The following SMYD3 variants were observed in gnomAD, a reference collection of about 807,000 sequenced individuals.
SMYD3 encodes SET and MYND domain containing 3.
Under a neutral mutation model 57.7 loss-of-function variants are expected in SMYD3, and 36 were observed. That is an observed-to-expected ratio of 0.62 (90% confidence interval 0.48 to 0.82). SMYD3 has a LOEUF of 0.82. Ranked by LOEUF, SMYD3 falls within the 40% of genes least tolerant of loss-of-function variation. The pLI is 0.00. For missense variants in SMYD3, 515 were observed against 538.8 expected (o/e 0.96, Z 0.44); for synonymous variants, 211 against 195.0 (o/e 1.08, Z -0.68).
At chr1:245,804,438 G>C (rs2048040009) in intron 10 of SMYD3, among the ~76,000 whole-genome samples, 1 of 152,040 alleles carries the variant, frequency 6.6e-6, no homozygotes, top group African/African-American at 2.4e-5. Context: ...GGCGCCTGTA[G>C]TCCCAGCTAC....
At chr1:245,930,578 G>A (rs2056654931) in intron 5 of SMYD3, 1 of 159,408 alleles carries the variant, frequency 6.3e-6, no homozygotes, top group African/African-American at 2.4e-5. Context: ...TGTGCTCAAG[G>A]AACTTAAAAA....
intron 5 of SMYD3, among the ~76,000 whole-genome samples, chr1:246,269,914 C>A (rs978878660): frequency 6.6e-6 from 1 of 152,082 alleles, no homozygotes; most frequent in African/African-American, 2.4e-5. Flanking sequence ...TGAGGTTTAC[C>A]TTCCCAAGAA....
At chr1:246,218,882 T>C (rs1007710860) in intron 5 of SMYD3, among the ~76,000 whole-genome samples, 3 of 152,090 alleles carry the variant, frequency 2.0e-5, no homozygotes, top group Admixed American at 6.5e-5. Flanking sequence ...AGCAAGACAA[T>C]CACATGCTTC....
intron 5 of SMYD3, among the ~76,000 whole-genome samples, chr1:246,155,385 A>T (rs1229095047): frequency 6.6e-6 from 1 of 152,234 alleles, no homozygotes; most frequent in Non-Finnish European, 1.5e-5. Context: ...TCTTGTTTCA[A>T]AATGGCAACC....
At chr1:246,103,911 C>T (rs181706440) in intron 5 of SMYD3, among the ~76,000 whole-genome samples, 2 of 152,322 alleles carry the variant, frequency 1.3e-5, no homozygotes, top group African/African-American at 4.8e-5. Flanking sequence ...ATCCCTCTGT[C>T]ACCCTGAAAA....
chr1:246,235,863 T>C (rs1054368819), intron 5 of SMYD3, among the ~76,000 whole-genome samples: 1 of 152,172 alleles, frequency 6.6e-6, no homozygotes, highest in African/African-American at 2.4e-5. Context: ...ACTTGAAATA[T>C]GGCTAGTGCA....
intron 1 of SMYD3, among the ~76,000 whole-genome samples, chr1:246,476,801 TC>T (rs199707306): frequency 8.6e-5 from 13 of 152,042 alleles, no homozygotes; most frequent in Middle Eastern, 3.2e-3. Flanking sequence ...AACAACTTTT[TC>T]TTTTTTGCAG....
intron 5 of SMYD3, among the ~76,000 whole-genome samples, chr1:246,082,166 C>T (rs376349493): frequency 3.1e-4 from 47 of 152,198 alleles, no homozygotes; most frequent in African/African-American, 8.7e-4. Flanking sequence ...GGACCAGAGC[C>T]GCTTTTGTAA....
At chr1:245,862,234 C>T (rs1890816) in intron 9 of SMYD3, among the ~76,000 whole-genome samples, 84,459 of 151,868 alleles carry the variant, frequency 0.56, 26,654 homozygotes, top group Non-Finnish European at 0.73. Context: ...TAGAAAATTC[C>T]AGAAATAATC....
chr1:245,853,921 C>T (rs545246220), intron 10 of SMYD3, among the ~76,000 whole-genome samples: 1 of 152,310 alleles, frequency 6.6e-6, no homozygotes, highest in South Asian at 2.1e-4. Flanking sequence ...TGAAATCTCA[C>T]TCTTATCAGC....
chr1:245,917,902 A>G (rs1349033934), intron 7 of SMYD3, among the ~76,000 whole-genome samples: 3 of 152,208 alleles, frequency 2.0e-5, no homozygotes, highest in Admixed American at 6.5e-5. Flanking sequence ...GTTATACTTA[A>G]AAGAAAGCAT....
At chr1:246,344,276 C>A (rs906288443) in intron 2 of SMYD3, among the ~76,000 whole-genome samples, 4 of 152,208 alleles carry the variant, frequency 2.6e-5, no homozygotes, top group Non-Finnish European at 4.4e-5. Context: ...GTGCCCCTTA[C>A]ATTCAAGTCC....
At chr1:246,273,097 T>C (rs1451602377) in intron 5 of SMYD3, among the ~76,000 whole-genome samples, 1 of 149,284 alleles carries the variant, frequency 6.7e-6, no homozygotes, top group Non-Finnish European at 1.5e-5. Flanking sequence ...CTATAATCCT[T>C]TTTCATTCTG....
chr1:246,178,402 A>G (rs1477486467), intron 5 of SMYD3, among the ~76,000 whole-genome samples: 1 of 152,164 alleles, frequency 6.6e-6, no homozygotes, highest in Non-Finnish European at 1.5e-5. Flanking sequence ...AATCTCCTAG[A>G]CCGGGAGTCA....
intron 8 of SMYD3, among the ~76,000 whole-genome samples, chr1:245,900,218 C>T (rs1219749272): frequency 6.6e-6 from 1 of 152,142 alleles, no homozygotes; most frequent in African/African-American, 2.4e-5. Context: ...ATCCATTTAA[C>T]ACCTCTCTTT....
At chr1:245,868,772 AAC>A (rs2052018707) in intron 8 of SMYD3, among the ~76,000 whole-genome samples, 1 of 152,140 alleles carries the variant, frequency 6.6e-6, no homozygotes, top group Non-Finnish European at 1.5e-5. Context: ...CTCAGGTTCC[AAC>A]TTCCCCTGAC....
chr1:246,129,634 C>T (rs897726767), intron 5 of SMYD3, among the ~76,000 whole-genome samples: 9 of 152,086 alleles, frequency 5.9e-5, no homozygotes, highest in Non-Finnish European at 1.2e-4. Flanking sequence ...TTTAATCAAA[C>T]CTGAATAAAG....
intron 5 of SMYD3, among the ~76,000 whole-genome samples, chr1:246,001,571 T>C (rs759915925): frequency 6.6e-6 from 1 of 152,194 alleles, no homozygotes; most frequent in Non-Finnish European, 1.5e-5. Context: ...TTTCTCATCA[T>C]GTGGTCGCTG....
chr1:246,120,743 C>A (rs1489757620), intron 5 of SMYD3, among the ~76,000 whole-genome samples: 1 of 152,150 alleles, frequency 6.6e-6, no homozygotes, highest in Non-Finnish European at 1.5e-5. Flanking sequence ...TCTGTGAAAT[C>A]ATCTCCAACC....
Sources: allele counts gnomAD v4.1 joint callset (sites outside exome capture counted in the v4.1 genomes callset), GRCh38; gene constraint gnomAD v4.1.1; transcripts MANE v1.5; gene names NCBI Gene and HGNC (gene_info 2026-07-23, HGNC 2026-07-21).